The following PRR11 variants were observed in gnomAD, a reference collection of about 807,000 sequenced individuals.
PRR11 encodes the protein proline-rich protein 11.
PRR11 carries 30 observed loss-of-function variants against 45.6 expected under a neutral mutation model. The ratio of observed to expected loss-of-function variants is 0.66; its 90% CI spans 0.49 to 0.89. The LOEUF is 0.89. PRR11 is among the 40% of genes least tolerant of loss of function. The probability of loss-of-function intolerance (pLI) is 0.00; values close to 1 mark genes in which losing one functional copy is unlikely to be tolerated. For missense variants in PRR11, 373 were observed against 424.8 expected, an observed-to-expected ratio of 0.88 and a Z score of 1.07; for synonymous variants, 128 against 153.5, an observed-to-expected ratio of 0.83 and a Z score of 1.23.
At chr17:59,189,526 A>G (rs969363445) in intron 4 of PRR11, among the ~76,000 whole-genome samples, 1 of 151,680 alleles carries the variant, frequency 6.6e-6, no homozygotes, top group South Asian at 2.1e-4. Flanking sequence ...TAGAGACAGG[A>G]TCTCACCATG....
chr17:59,179,903 G>A (rs1190927259), intron 2 of PRR11: 8 of 1,326,436 alleles, frequency 6.0e-6, no homozygotes, highest in Non-Finnish European at 8.5e-6. Flanking sequence ...CCAGGCCACT[G>A]TATAATGCTT....
rs142167405 is a variant in PRR11, at chr17:59,185,497, T to C, written c.337T>C (p.Tyr113His). Residue 113 changes from tyrosine (Y) to histidine (H), a missense_variant, in exon 4 of 10, where the codon TAC becomes CAC. Tyr to His is a moderately conservative substitution (Grantham distance 83, BLOSUM62 2). Transcript: ENST00000262293. The stretch of plus-strand genomic sequence containing the variant: ...ATCTCGTATCTGCCACCGAGAACTT[T>C]ACAGTGTAAAACAACAGTTTTGCAT... ...FPSRICHREL[Y>H]SVKQQFCILE... The C allele has an allele frequency of 1.7e-5, 28 of 1,612,258 alleles. No individual in the cohort carries two copies. Among genetic ancestry groups the C allele is most frequent in the Non-Finnish European group, 2.4e-5 (28 of 1,179,238 alleles).
intron 2 of PRR11, among the ~76,000 whole-genome samples, chr17:59,175,717 C>T (rs577293305): frequency 6.6e-6 from 1 of 152,152 alleles, no homozygotes; most frequent in Admixed American, 6.5e-5. Context: ...ATTCCAGCCT[C>T]AGAGGCAGAA....
intron 2 of PRR11, among the ~76,000 whole-genome samples, chr17:59,184,614 G>A (rs149871810): frequency 9.2e-5 from 14 of 152,276 alleles, no homozygotes; most frequent in African/African-American, 3.1e-4. Flanking sequence ...AGGAAGCTCT[G>A]CTTTTCTGGA....
rs752264588 is a variant in PRR11, at chr17:59,169,804, T to G, written c.52T>G (p.Leu18Val). Residue 18 changes from leucine (L) to valine (V), a missense_variant, in exon 2 of 10, where the codon TTA becomes GTA. Coordinates refer to ENST00000262293, the MANE Select transcript of PRR11 (RefSeq NM_018304.4). Reference protein sequence around the residue: ...RRKLKAKAERLFKKKEASHFQ... With the variant: ...RRKLKAKAERVFKKKEASHFQ... ...AAAGCTAAAAGCCAAAGCCGAAAGA[T>G]TATTCAAAAAAAAAGAAGCCTCTCA... is the stretch of plus-strand genomic sequence containing the variant. The G allele has an allele frequency of 1.9e-6, 3 of 1,611,748 alleles. No homozygotes were observed. Among genetic ancestry groups the G allele is most frequent in the Non-Finnish European group, 2.5e-6 (3 of 1,179,366 alleles).
At chr17:59,197,827 G>C (rs1160610489) in intron 9 of PRR11, 38 bp downstream of exon 9, 1 of 1,585,036 alleles carries the variant, frequency 6.3e-7, no homozygotes, top group Non-Finnish European at 8.7e-7. Context: ...TCCTTTGCTT[G>C]AAAATAATTT....
chr17:59,203,241 T>C lies in PRR11; in HGVS notation c.*1610T>C, dbSNP rs1429711827. 6.6e-6 allele frequency among the ~76,000 whole-genome samples: 1 copy of C among 152,138 alleles called. No homozygotes were observed. The highest frequency in any genetic ancestry group is 1.5e-5 in the Non-Finnish European group (1 of 68,010). ...GTTTGTTTGTTTGTTTTGTTTTGTT[T>C]TGAGATGAAGTCTCACTCTGTCACC... is the stretch of plus-strand genomic sequence containing the variant. On this transcript the variant is annotated 3_prime_UTR_variant, in exon 10 of 10. Transcript: ENST00000262293.
At chr17:59,187,222 T>A (rs960595018) in intron 4 of PRR11, among the ~76,000 whole-genome samples, 1 of 151,068 alleles carries the variant, frequency 6.6e-6, no homozygotes, top group Non-Finnish European at 1.5e-5. Flanking sequence ...TAAAATAAAA[T>A]AAAAATAAAA....
intron 1 of PRR11, among the ~76,000 whole-genome samples, chr17:59,161,746 C>T (rs1011488315): frequency 1.3e-5 from 2 of 152,154 alleles, no homozygotes; most frequent in Non-Finnish European, 2.9e-5. Context: ...AAGAACCTGT[C>T]TCAAAACAAA....
At chr17:59,170,493 C>T (rs913083130) in intron 2 of PRR11, among the ~76,000 whole-genome samples, 1 of 151,930 alleles carries the variant, frequency 6.6e-6, no homozygotes, top group Non-Finnish European at 1.5e-5. Context: ...GCCTTGATTT[C>T]CTGGGCTCAA....
chr17:59,197,669 C>T, intron 8 of PRR11, 24 bp from the exon 9 acceptor site: 18 of 1,610,890 alleles, frequency 1.1e-5, no homozygotes, highest in Non-Finnish European at 1.5e-5. Flanking sequence ...AATACAGCTA[C>T]TGTTATTTTC....
At chr17:59,167,108 G>A (rs920172698) in intron 1 of PRR11, among the ~76,000 whole-genome samples, 48 of 152,176 alleles carry the variant, frequency 3.2e-4, no homozygotes, top group Non-Finnish European at 1.5e-5. Flanking sequence ...AGCTTGCAGT[G>A]AGCCAAGATC....
intron 2 of PRR11, among the ~76,000 whole-genome samples, chr17:59,182,312 G>A (rs141037545): frequency 0.016 from 2,367 of 150,414 alleles, 67 homozygotes; most frequent in African/African-American, 0.054. Flanking sequence ...ACAGGTGTGA[G>A]CCACTGCACC....
chr17:59,175,015 G>A (rs2046736024), intron 2 of PRR11: 3 of 687,632 alleles, frequency 4.4e-6, no homozygotes, highest in South Asian at 3.0e-5. Context: ...CGGAAGAACT[G>A]GAACCGAAGT....
At chr17:59,181,371 G>C in intron 2 of PRR11, 2 of 624,384 alleles carry the variant, frequency 3.2e-6, no homozygotes, top group Non-Finnish European at 5.2e-6. Flanking sequence ...TCCCTCATGA[G>C]TGATCACTTC....
In PRR11 at chr17:59,199,502, A is replaced by G. The variant is rs559676581; in HGVS notation, c.1014+1713A>G. 2.6e-5 allele frequency among the ~76,000 whole-genome samples: 4 copies of G among 152,244 alleles called. No homozygotes were observed. The East Asian group carries it at 5.8e-4, about 22-fold the overall frequency. ...ACATTCATATACAACCACATACCCA[A>G]CCCAGTAGATCAGCTGGCCCTGGTG... On this transcript the variant is annotated intron_variant, in intron 9 of 9. Coordinates refer to ENST00000262293, the MANE Select transcript of PRR11 (RefSeq NM_018304.4).
At chr17:59,159,060 TC>T (rs755962495) in intron 1 of PRR11, among the ~76,000 whole-genome samples, 6 of 152,196 alleles carry the variant, frequency 3.9e-5, no homozygotes, top group Non-Finnish European at 8.8e-5. Flanking sequence ...CCTCAGGTGA[TC>T]CACCCACCTC....
chr17:59,201,565 GGCTCAC>G lies in PRR11; in HGVS notation c.1018_1023del (p.Ala340_His341del). ...ATTGGGACTTTTTTTTTTTATAGCT[GGCTCAC>G]CCTAGAAGCCCAACTCCAACTCTGC... On this transcript the variant is annotated inframe_deletion, in exon 10 of 10. Coordinates refer to ENST00000262293, the MANE Select transcript of PRR11 (RefSeq NM_018304.4). The G allele has an allele frequency of 3.7e-6, 6 of 1,610,338 alleles. No individual in the cohort carries two copies. The highest frequency in any genetic ancestry group is 5.1e-6 in the Non-Finnish European group (6 of 1,179,394).
intron 2 of PRR11, among the ~76,000 whole-genome samples, chr17:59,179,200 A>G (rs1228118460): frequency 1.3e-5 from 2 of 151,994 alleles, no homozygotes; most frequent in Non-Finnish European, 2.9e-5. Flanking sequence ...AGATTTTACT[A>G]TGTTGGTCAG....
Sources: gnomAD v4.1 joint callset for allele counts (sites outside exome capture counted in the v4.1 genomes callset) on GRCh38, gnomAD v4.1.1 for gene constraint, MANE v1.5 for transcripts, NCBI Gene and HGNC (gene_info 2026-07-23, HGNC 2026-07-21) for gene names.